Variants in MICOS10 observed in about 807,000 individuals in gnomAD.
The protein encoded by MICOS10 is MICOS complex subunit MIC10.
MICOS10 carries 5 observed loss-of-function variants against 13.4 expected under a neutral mutation model. The observed-to-expected ratio is 0.37, with a 90% CI of 0.20 to 0.78. The LOEUF (loss-of-function observed/expected upper bound fraction) is 0.78, where lower values mean the gene tolerates loss of function less well. Among genes scored for constraint, MICOS10 ranks in the 30% least tolerant of loss-of-function variants. The pLI, the probability that MICOS10 is intolerant of heterozygous loss-of-function variation, is 0.47. For synonymous variants in MICOS10, 35 were observed against 33.6 expected (o/e 1.04, Z -0.15); for missense variants, 101 against 94.6 (o/e 1.07, Z -0.28).
At chr1:19,622,362 C>T (rs958288292) in intron 2 of MICOS10, among the ~76,000 whole-genome samples, 7 of 152,188 alleles carry the variant, frequency 4.6e-5, no homozygotes, top group Non-Finnish European at 1.0e-4. Flanking sequence ...CCCCTGGGCA[C>T]TGAGGCAGGG....
intron 1 of MICOS10, among the ~76,000 whole-genome samples, chr1:19,597,436 T>C (rs1570457091): frequency 6.6e-6 from 1 of 151,980 alleles, no homozygotes; most frequent in African/African-American, 2.4e-5. Context: ...AGCCGCGGGG[T>C]TCTCCTCCCG....
Position 19,628,947 on chromosome 1 carries a change from G to GA in MICOS10, c.*2549dup, listed in dbSNP as rs2094930409. On this transcript the variant is annotated 3_prime_UTR_variant, in exon 4 of 4. Transcript: ENST00000322753. Reference sequence around the variant, plus strand: ...TGGAAGCACCACTGAAGTGCTCTGAGAAAGGGGTCAGCTGTCTGAGGGAAT... The same window carrying GA: ...TGGAAGCACCACTGAAGTGCTCTGAGAAAAGGGGTCAGCTGTCTGAGGGAAT... 1 of 152,262 alleles carries GA rather than the reference G, an allele frequency of 6.6e-6. No homozygotes were observed. Among genetic ancestry groups the GA allele is most frequent in the Admixed American group, 6.5e-5 (1 of 15,276 alleles). 9.4% of individuals were successfully genotyped at this position (152,262 alleles called of 1,614,324 possible). A position where few individuals can be genotyped will look rare whatever the true frequency, so the allele number is the denominator to read the frequency against.
intron 1 of MICOS10, among the ~76,000 whole-genome samples, chr1:19,620,929 T>G (rs1451791080): frequency 1.3e-5 from 2 of 152,222 alleles, no homozygotes; most frequent in Non-Finnish European, 2.9e-5. Context: ...TTTGATTTCT[T>G]TGCCAAAAAA....
intron 1 of MICOS10, among the ~76,000 whole-genome samples, chr1:19,613,585 T>C (rs2094872212): frequency 6.6e-6 from 1 of 152,274 alleles, no homozygotes; most frequent in South Asian, 2.1e-4. Flanking sequence ...TGGGTCTGAT[T>C]ATCAGTTGGC....
rs751672308 is a variant in MICOS10, at chr1:19,620,676, G to A, written c.65-1424G>A. 1.5e-4 allele frequency among the ~76,000 whole-genome samples: 23 copies of A among 152,126 alleles called. 1 individual carries two copies. Among genetic ancestry groups the A allele is most frequent in the Non-Finnish European group, 7.4e-5 (5 of 68,018 alleles). ...AAATGCCTATAATAGGAGCAAAACTGGGTGGTTGGGCATATATCTGAATTC... is the reference window on the plus strand; with the variant it reads ...AAATGCCTATAATAGGAGCAAAACTAGGTGGTTGGGCATATATCTGAATTC... On this transcript the variant is annotated intron_variant, in intron 1 of 3. Transcript: ENST00000322753.
intron 1 of MICOS10, among the ~76,000 whole-genome samples, chr1:19,608,935 A>G (rs1445276711): frequency 6.7e-6 from 1 of 149,250 alleles, no homozygotes; most frequent in Non-Finnish European, 1.5e-5. Context: ...GCCTCAAGCA[A>G]TCCTCCTGCC....
chr1:19,616,448 A>T (rs1490721420), intron 1 of MICOS10, among the ~76,000 whole-genome samples: 2 of 152,126 alleles, frequency 1.3e-5, no homozygotes, highest in East Asian at 3.8e-4. Context: ...GCGCATTTGG[A>T]TTCATTGTAT....
chr1:19,598,932 A>G (rs893685610), intron 1 of MICOS10, among the ~76,000 whole-genome samples: 4 of 152,060 alleles, frequency 2.6e-5, no homozygotes, highest in Non-Finnish European at 4.4e-5. Context: ...TTTTTTTTAT[A>G]CAGGCAGGGT....
At chr1:19,626,210 T>G (rs2792054) in intron 3 of MICOS10, among the ~76,000 whole-genome samples, 177 bp from the exon 4 acceptor site, 16,657 of 152,208 alleles carry the variant, frequency 0.11, 3,087 homozygotes, top group African/African-American at 0.38. Context: ...TGGGGCTGGA[T>G]GGCACTCTTA....
rs769554217 is a variant in MICOS10, at chr1:19,597,003, C to T, written c.-43C>T. 178 of 1,562,392 alleles carry T rather than the reference C, an allele frequency of 1.1e-4. 2 individuals are homozygous for T. In the South Asian group the frequency reaches 2.0e-3, roughly 18 times the overall value. ...CGCGAGACTTTCAGGGGTCGGAGCG[C>T]GGGGGCCGGCCGAGAGGAAAGCTGG... On this transcript the variant is annotated 5_prime_UTR_variant, in exon 1 of 4. Transcript: ENST00000322753.
intron 2 of MICOS10, among the ~76,000 whole-genome samples, chr1:19,622,543 A>G (rs975987939): frequency 6.6e-6 from 1 of 152,194 alleles, no homozygotes; most frequent in Admixed American, 6.5e-5. Context: ...AAATACACAT[A>G]CTTCTTGGTC....
Position 19,626,451 on chromosome 1 carries a change from C to T in MICOS10, c.*50C>T. ...GAGGACAAGAGAAATCATGTTTATT[C>T]CTCAGGAATACTGAAGTGCCCTGGA... is the stretch of plus-strand genomic sequence containing the variant. On this transcript the variant is annotated 3_prime_UTR_variant, in exon 4 of 4. Coordinates refer to ENST00000322753, the MANE Select transcript of MICOS10 (RefSeq NM_001032363.4). 1 of 1,608,218 alleles carries T rather than the reference C, an allele frequency of 6.2e-7. No individual in the cohort carries two copies. Among genetic ancestry groups the T allele is most frequent in the Non-Finnish European group, 8.5e-7 (1 of 1,175,006 alleles).
intron 1 of MICOS10, among the ~76,000 whole-genome samples, chr1:19,612,916 T>G (rs2094869377): frequency 6.6e-6 from 1 of 152,224 alleles, no homozygotes; most frequent in Non-Finnish European, 1.5e-5. Flanking sequence ...CTTTTCTGTT[T>G]ATCTTTGTCC....
At chr1:19,618,235 A>G (rs1344170872) in intron 1 of MICOS10, among the ~76,000 whole-genome samples, 1 of 151,378 alleles carries the variant, frequency 6.6e-6, no homozygotes. Context: ...CCTCCTGAGT[A>G]GCTGGGAGCA....
Position 19,629,031 on chromosome 1 carries a change from G to A in MICOS10, c.*2630G>A, listed in dbSNP as rs1187250586. The A allele has an allele frequency of 6.6e-6, 1 of 152,272 alleles. No homozygotes were observed. The highest frequency in any genetic ancestry group is 2.4e-5 in the African/African-American group (1 of 41,464). 9.4% of individuals were successfully genotyped at this position (152,272 alleles called of 1,614,324 possible). On this transcript the variant is annotated 3_prime_UTR_variant, in exon 4 of 4. Coordinates refer to ENST00000322753, the MANE Select transcript of MICOS10 (RefSeq NM_001032363.4). Reference sequence around the variant, plus strand: ...AGTTGCTTTAGTTCTAGATAGCTTTGTATTCCCGCCTTGTTGCCCTTAGCG... The same window carrying A: ...AGTTGCTTTAGTTCTAGATAGCTTTATATTCCCGCCTTGTTGCCCTTAGCG...
At chr1:19,601,163 C>A in intron 1 of MICOS10, 1 of 399,796 alleles carries the variant, frequency 2.5e-6, no homozygotes, top group Non-Finnish European at 4.6e-6. Context: ...AAAAAGTAAT[C>A]TTCAAGGATC....
At chr1:19,610,481 C>G (rs572114628) in intron 1 of MICOS10, among the ~76,000 whole-genome samples, 1 of 144,694 alleles carries the variant, frequency 6.9e-6, no homozygotes, top group African/African-American at 2.5e-5. Context: ...TGGGCTCAAG[C>G]GATCTTGCTG....
intron 1 of MICOS10, among the ~76,000 whole-genome samples, chr1:19,600,397 C>T (rs896493738): frequency 6.6e-6 from 1 of 152,114 alleles, no homozygotes; most frequent in African/African-American, 2.4e-5. Flanking sequence ...CTATAGTGAG[C>T]GTGTTGCTTC....
chr1:19,597,598 C>T (rs796709292), intron 1 of MICOS10, among the ~76,000 whole-genome samples: 12 of 152,306 alleles, frequency 7.9e-5, no homozygotes, highest in African/African-American at 2.9e-4. Context: ...TCCCGACTTG[C>T]CACCTGATTT....
Sources: allele counts gnomAD v4.1 joint callset (sites outside exome capture counted in the v4.1 genomes callset), GRCh38; gene constraint gnomAD v4.1.1; transcripts MANE v1.5; gene names NCBI Gene and HGNC (gene_info 2026-07-23, HGNC 2026-07-21).